Variants in RAB3GAP2 observed in about 807,000 individuals in gnomAD.
RAB3GAP2 encodes rab3 GTPase-activating protein non-catalytic subunit.
A neutral mutation model predicts 185.3 loss-of-function variants in RAB3GAP2; 87 were observed. That is an observed-to-expected ratio of 0.47 (90% confidence interval 0.39 to 0.56). RAB3GAP2 has a LOEUF of 0.56. Among genes scored for constraint, RAB3GAP2 ranks in the 20% least tolerant of loss-of-function variants. The pLI, the probability that RAB3GAP2 is intolerant of heterozygous loss-of-function variation, is 0.00. For missense variants in RAB3GAP2, 1,492 were observed against 1,638.2 expected, an observed-to-expected ratio of 0.91 and a Z score of 1.54; for synonymous variants, 554 against 576.1, an observed-to-expected ratio of 0.96 and a Z score of 0.55.
chr1:220,242,402 T>A (rs534722750), intron 1 of RAB3GAP2, among the ~76,000 whole-genome samples: 38 of 151,980 alleles, frequency 2.5e-4, no homozygotes, highest in African/African-American at 9.2e-4. Context: ...AAGTGGTGTA[T>A]AATTTAGTGC....
chr1:220,207,146 C>CA (rs1047699952), intron 7 of RAB3GAP2, among the ~76,000 whole-genome samples: 1 of 152,142 alleles, frequency 6.6e-6, no homozygotes, highest in African/African-American at 2.4e-5. Flanking sequence ...AACATCACTG[C>CA]AATAAACATT....
intron 1 of RAB3GAP2, among the ~76,000 whole-genome samples, chr1:220,248,987 C>T (rs563647020): frequency 1.2e-4 from 19 of 152,334 alleles, no homozygotes; most frequent in African/African-American, 3.4e-4. Flanking sequence ...AGTTAAACTT[C>T]TTTCCTTTAT....
intron 21 of RAB3GAP2, among the ~76,000 whole-genome samples, chr1:220,176,234 A>G (rs902016364): frequency 3.3e-5 from 5 of 152,204 alleles, no homozygotes; most frequent in African/African-American, 1.2e-4. Flanking sequence ...TTATATTATG[A>G]ATTCACATAT....
chr1:220,180,722 C>T (rs912669107), intron 21 of RAB3GAP2, among the ~76,000 whole-genome samples: 9 of 152,198 alleles, frequency 5.9e-5, no homozygotes, highest in African/African-American at 2.2e-4. Flanking sequence ...TACTTCCAAA[C>T]TCATTCTATG....
intron 1 of RAB3GAP2, chr1:220,267,051 G>A (rs1275097489): frequency 1.9e-6 from 3 of 1,609,906 alleles, no homozygotes; most frequent in Non-Finnish European, 2.6e-6. Context: ...GGGTGCCACA[G>A]AGAGTGGTCC....
intron 1 of RAB3GAP2, among the ~76,000 whole-genome samples, chr1:220,243,460 C>A (rs1054257389): frequency 6.6e-6 from 1 of 152,136 alleles, no homozygotes; most frequent in African/African-American, 2.4e-5. Flanking sequence ...CTGTTACTTC[C>A]ATTTCTAAGA....
At chr1:220,248,628 G>A (rs1659868854) in intron 1 of RAB3GAP2, among the ~76,000 whole-genome samples, 1 of 146,608 alleles carries the variant, frequency 6.8e-6, no homozygotes, top group Admixed American at 6.7e-5. Context: ...TTTTTTTTTG[G>A]ATAATTCTAA....
At chr1:220,267,130 AG>A in intron 1 of RAB3GAP2, 1 of 1,348,994 alleles carries the variant, frequency 7.4e-7, no homozygotes, top group Non-Finnish European at 1.1e-6. Context: ...TGATCCAAGA[AG>A]TAAGTTCTCT....
intron 34 of RAB3GAP2, 39 bp downstream of exon 34, chr1:220,151,567 C>T (rs1657754555): frequency 1.3e-6 from 2 of 1,591,958 alleles, no homozygotes; most frequent in Non-Finnish European, 1.7e-6. Context: ...AAGAAAACAT[C>T]CAATGACCTT....
intron 1 of RAB3GAP2, among the ~76,000 whole-genome samples, chr1:220,262,900 T>C (rs1029604772): frequency 2.0e-5 from 3 of 152,178 alleles, no homozygotes; most frequent in African/African-American, 7.2e-5. Flanking sequence ...TTAATGGCTG[T>C]ACCATCTTAT....
At chr1:220,211,324 T>C (rs1229422253) in intron 4 of RAB3GAP2, 1 of 513,668 alleles carries the variant, frequency 1.9e-6, no homozygotes, top group Non-Finnish European at 3.8e-6. Context: ...AAAGCTCAAA[T>C]GATCCCCACG....
chr1:220,196,318 G>T lies in RAB3GAP2; in HGVS notation c.892C>A (p.Pro298Thr). The change falls in exon 10 of 35, where the codon CCA becomes ACA. Residue 298 changes from proline (P) to threonine (T), a missense_variant. By Grantham distance (38) the Pro-to-Thr change is conservative. This residue lies in a region of RAB3GAP2 where 243 missense variants were observed against 314.8 expected (regional missense o/e 0.77). Transcript: ENST00000358951. ...GTGATATACTGAGACATGGCAGGTGGACTATTTTTAATTGCTGCATTAAAT... is the reference window on the plus strand; with the variant it reads ...GTGATATACTGAGACATGGCAGGTGTACTATTTTTAATTGCTGCATTAAAT... ...GGFNAAIKNS[P>T]PAMSQYITVG... 2 of 1,611,004 alleles carry T rather than the reference G, an allele frequency of 1.2e-6. No individual in the cohort carries two copies. Among genetic ancestry groups the T allele is most frequent in the Non-Finnish European group, 1.7e-6 (2 of 1,177,398 alleles).
intron 2 of RAB3GAP2, among the ~76,000 whole-genome samples, chr1:220,227,031 C>T (rs1043844924): frequency 6.6e-5 from 10 of 152,180 alleles, no homozygotes; most frequent in African/African-American, 2.4e-4. Context: ...AAATCAGCCC[C>T]GATGGCACCT....
chr1:220,158,526 C>T lies in RAB3GAP2; in HGVS notation c.3262-650G>A, dbSNP rs555878348. Reference sequence around the variant, plus strand: ...CACGATCTCGGCTCACTGCAACCTCCACCTCCCAGGTTCAAGCGATTATCC... The same window carrying T: ...CACGATCTCGGCTCACTGCAACCTCTACCTCCCAGGTTCAAGCGATTATCC... On this transcript the variant is annotated intron_variant, in intron 29 of 34. Coordinates refer to ENST00000358951, the MANE Select transcript of RAB3GAP2 (RefSeq NM_012414.4). The surrounding 1 kb of genome is among the most constrained non-coding windows in gnomAD (Gnocchi z 4.3). Among the ~76,000 whole-genome samples the T allele has an allele frequency of 1.1e-4, 16 of 152,022 alleles. No homozygotes were observed. Among genetic ancestry groups the T allele is most frequent in the African/African-American group, 3.6e-4 (15 of 41,444 alleles).
chr1:220,195,526 A>C (rs1259240278), intron 10 of RAB3GAP2, 149 bp from the exon 11 acceptor site: 2 of 706,394 alleles, frequency 2.8e-6, no homozygotes, highest in Non-Finnish European at 4.9e-6. Context: ...TAAAAAGTTT[A>C]TTTTAGGCGT....
At chr1:220,256,533 G>A (rs1322099814) in intron 1 of RAB3GAP2, among the ~76,000 whole-genome samples, 1 of 152,198 alleles carries the variant, frequency 6.6e-6, no homozygotes, top group Non-Finnish European at 1.5e-5. Flanking sequence ...AAAATAAAAG[G>A]ATGGAGGAAA....
chr1:220,224,697 A>G (rs545645229), intron 2 of RAB3GAP2, among the ~76,000 whole-genome samples: 96 of 152,260 alleles, frequency 6.3e-4, no homozygotes, highest in African/African-American at 2.3e-3. Flanking sequence ...TCCTCCAAAA[A>G]ACAAATGAAC....
intron 17 of RAB3GAP2, among the ~76,000 whole-genome samples, chr1:220,189,478 C>G (rs142074035): frequency 6.6e-6 from 1 of 151,434 alleles, no homozygotes; most frequent in Non-Finnish European, 1.5e-5. Context: ...CTCGGCCTCC[C>G]AAAGTGCTAG....
chr1:220,211,082 GATA>G, intron 4 of RAB3GAP2, 80 bp from the exon 5 acceptor site: 1 of 1,349,002 alleles, frequency 7.4e-7, no homozygotes, highest in Non-Finnish European at 1.0e-6. Flanking sequence ...GATGTTAAAG[GATA>G]ATAACTGGAA....
Sources: gnomAD v4.1 joint callset for allele counts (sites outside exome capture counted in the v4.1 genomes callset) on GRCh38, gnomAD v4.1.1 for gene constraint, gnomAD v4.1.1 regional missense constraint, Gnocchi (gnomAD v3.1) non-coding constraint, MANE v1.5 for transcripts, NCBI Gene and HGNC (gene_info 2026-07-23, HGNC 2026-07-21) for gene names.